The following KCNQ3 variants were observed in gnomAD, a reference collection of about 807,000 sequenced individuals.
KCNQ3 encodes the protein potassium voltage-gated channel subfamily Q member 3, also known as potassium voltage-gated channel subfamily KQT member 3.
In KCNQ3, 30 loss-of-function variants were observed where a neutral mutation model predicts 92.5. The observed-to-expected ratio is 0.32, with a 90% CI of 0.24 to 0.44. The LOEUF (loss-of-function observed/expected upper bound fraction) is 0.44. Ranked by LOEUF, KCNQ3 falls within the 20% of genes least tolerant of loss-of-function variation. KCNQ3 has a pLI of 1.00. For synonymous variants in KCNQ3, 450 were observed against 468.8 expected (o/e 0.96, Z 0.52); for missense variants, 913 against 1,140.3 (o/e 0.80, Z 2.87).
Position 132,248,446 on chromosome 8 carries a change from T to C in KCNQ3, c.387-62265A>G, listed in dbSNP as rs531431644. On this transcript the variant is annotated intron_variant, in intron 1 of 14. Transcript: ENST00000388996. ...TAGTTCACCACCACCACATCTCCAG[T>C]TGAAAATGAAAAGTGACTAGAGCTC... Among the ~76,000 whole-genome samples, 745 of 152,068 alleles carry C rather than the reference T, an allele frequency of 4.9e-3. 7 individuals carry two copies. The highest frequency in any genetic ancestry group is 0.017 in the African/African-American group (720 of 41,472).
intron 1 of KCNQ3, among the ~76,000 whole-genome samples, chr8:132,402,536 C>T (rs1205957855): frequency 1.3e-5 from 2 of 152,124 alleles, no homozygotes; most frequent in African/African-American, 2.4e-5. Context: ...TTCCTTGGCA[C>T]ATTTAAAGGC....
chr8:132,142,262 A>G (rs997274630), intron 9 of KCNQ3, among the ~76,000 whole-genome samples: 2 of 152,220 alleles, frequency 1.3e-5, no homozygotes, highest in African/African-American at 4.8e-5. Context: ...AATAATGCCA[A>G]TATAAAGTTG....
chr8:132,392,790 C>CAAAAAAAAA (rs56183412), intron 1 of KCNQ3, among the ~76,000 whole-genome samples: 4 of 72,648 alleles, frequency 5.5e-5, no homozygotes, highest in Non-Finnish European at 9.2e-5. Flanking sequence ...GAACCTGTCT[C>CAAAAAAAAA]AAAAAAAAAA....
chr8:132,173,975 A>G (rs746091494), intron 6 of KCNQ3, among the ~76,000 whole-genome samples: 3 of 152,232 alleles, frequency 2.0e-5, no homozygotes, highest in Non-Finnish European at 2.9e-5. Flanking sequence ...CCTTTACAGA[A>G]TTATTCCCAG....
At chr8:132,201,448 C>T (rs1443905937) in intron 1 of KCNQ3, among the ~76,000 whole-genome samples, 2 of 152,114 alleles carry the variant, frequency 1.3e-5, no homozygotes, top group East Asian at 3.8e-4. Flanking sequence ...GCAAATACCT[C>T]TCCAGCTGTG....
At chr8:132,241,285 T>G (rs923351485) in intron 1 of KCNQ3, among the ~76,000 whole-genome samples, 2 of 152,210 alleles carry the variant, frequency 1.3e-5, no homozygotes, top group African/African-American at 2.4e-5. Context: ...GCTGGAAAAT[T>G]GTCAGAGCTC....
intron 3 of KCNQ3, 53 bp downstream of exon 3, chr8:132,184,188 T>C: frequency 2.5e-6 from 4 of 1,611,558 alleles, no homozygotes; most frequent in South Asian, 2.2e-5. Flanking sequence ...AGAGAAACAA[T>C]GCCCCAAAAG....
intron 1 of KCNQ3, among the ~76,000 whole-genome samples, chr8:132,478,003 C>G (rs916376088): frequency 1.3e-5 from 2 of 152,094 alleles, no homozygotes; most frequent in African/African-American, 4.8e-5. Flanking sequence ...CTTTATATAA[C>G]GGAGATAATA....
intron 1 of KCNQ3, among the ~76,000 whole-genome samples, chr8:132,189,457 A>G (rs1827089996): frequency 6.6e-6 from 1 of 152,232 alleles, no homozygotes; most frequent in African/African-American, 2.4e-5. Flanking sequence ...TGCCTGGAGA[A>G]TACTTTATTG....
chr8:132,176,397 T>C (rs77241890), intron 4 of KCNQ3, among the ~76,000 whole-genome samples: 7,760 of 152,252 alleles, frequency 0.051, 304 homozygotes, highest in Non-Finnish European at 0.074. Context: ...CAACTTTCTC[T>C]CTTTCTCTCA....
In KCNQ3 at chr8:132,201,985, C is replaced by T. The variant is rs527272492; in HGVS notation, c.387-15804G>A. Among the ~76,000 whole-genome samples the T allele has an allele frequency of 5.9e-5, 9 of 152,304 alleles. No individual in the cohort carries two copies. The East Asian group carries it at 1.2e-3, about 20-fold the overall frequency. ...CTTTATGTCTGCAGAATTAGCTCCA[C>T]GTTTAAGTTTCATGGTACGTTATCA... On this transcript the variant is annotated intron_variant, in intron 1 of 14. Coordinates refer to ENST00000388996, the MANE Select transcript of KCNQ3 (RefSeq NM_004519.4).
chr8:132,138,064 G>A (rs1427873275), intron 11 of KCNQ3, 48 bp from the exon 12 acceptor site: 2 of 1,596,958 alleles, frequency 1.3e-6, no homozygotes, highest in African/African-American at 2.7e-5. Context: ...GGAGAGTGCG[G>A]GGAGCTATAA....
intron 9 of KCNQ3, among the ~76,000 whole-genome samples, chr8:132,149,688 G>C (rs531133248): frequency 2.6e-5 from 4 of 152,134 alleles, no homozygotes; most frequent in Admixed American, 6.5e-5. Flanking sequence ...CCACAGACAC[G>C]CGCGCGGGAC....
At chr8:132,216,734 A>G (rs1352841745) in intron 1 of KCNQ3, among the ~76,000 whole-genome samples, 1 of 152,176 alleles carries the variant, frequency 6.6e-6, no homozygotes, top group Non-Finnish European at 1.5e-5. Flanking sequence ...ACACACTATC[A>G]TTTGGTTATT....
intron 13 of KCNQ3, among the ~76,000 whole-genome samples, chr8:132,133,601 G>A (rs1195013689): frequency 6.6e-6 from 1 of 152,032 alleles, no homozygotes; most frequent in East Asian, 1.9e-4. Flanking sequence ...TGATCCACCC[G>A]CCTCAGCCTC....
chr8:132,332,653 C>T (rs915252242), intron 1 of KCNQ3, among the ~76,000 whole-genome samples: 6 of 152,242 alleles, frequency 3.9e-5, no homozygotes, highest in Non-Finnish European at 5.9e-5. Flanking sequence ...CCCCACAACA[C>T]AATATCCCAA....
chr8:132,355,397 G>A (rs562767209), intron 1 of KCNQ3, among the ~76,000 whole-genome samples: 1 of 151,884 alleles, frequency 6.6e-6, no homozygotes, highest in South Asian at 2.1e-4. Context: ...CTGTCCCTCC[G>A]TTATCTGTCC....
At position 132,198,626 on chromosome 8, in the gene KCNQ3, A is replaced by G. The variant is rs181129554; in HGVS notation, c.387-12445T>C. On this transcript the variant is annotated intron_variant, in intron 1 of 14. Transcript: ENST00000388996. ...GTTCCAGAAGACCCTGGCCAACACA[A>G]TGAAACCTCATCTCTACTAAACATA... Among the ~76,000 whole-genome samples the G allele has an allele frequency of 4.6e-5, 7 of 152,210 alleles. No individual in the cohort carries two copies. In the East Asian group the frequency reaches 1.2e-3, roughly 25 times the overall value.
At chr8:132,286,486 T>C (rs952065387) in intron 1 of KCNQ3, among the ~76,000 whole-genome samples, 2 of 152,232 alleles carry the variant, frequency 1.3e-5, no homozygotes, top group Non-Finnish European at 2.9e-5. Context: ...CTATACCTGT[T>C]CTGCCATTGT....
Sources: allele counts gnomAD v4.1 joint callset (sites outside exome capture counted in the v4.1 genomes callset), GRCh38; gene constraint gnomAD v4.1.1; transcripts MANE v1.5; gene names NCBI Gene and HGNC (gene_info 2026-07-23, HGNC 2026-07-21).